INPP5K: variants seen among roughly 807,000 people sequenced by gnomAD.
INPP5K encodes the protein inositol polyphosphate 5-phosphatase K.
In INPP5K, 35 loss-of-function variants were observed where a neutral mutation model predicts 53.5. The observed-to-expected ratio is 0.65, with a 90% CI of 0.50 to 0.87. The LOEUF (loss-of-function observed/expected upper bound fraction) is 0.87, where lower values mean the gene tolerates loss of function less well. Among genes scored for constraint, INPP5K ranks in the 40% least tolerant of loss-of-function variants. The pLI is 0.00. For missense variants in INPP5K, 550 were observed against 586.2 expected, an observed-to-expected ratio of 0.94 and a Z score of 0.64; for synonymous variants, 253 against 232.8, an observed-to-expected ratio of 1.09 and a Z score of -0.79.
intron 7 of INPP5K, 133 bp downstream of exon 7, chr17:1,506,847 T>C: frequency 1.6e-6 from 1 of 619,104 alleles, no homozygotes; most frequent in Non-Finnish European, 2.9e-6. Context: ...GGACAGGAGG[T>C]GCCACTCTGG....
At chr17:1,514,098 G>A (rs1172880411) in intron 1 of INPP5K, 119 bp from the exon 2 acceptor site, 7 of 530,766 alleles carry the variant, frequency 1.3e-5, no homozygotes, top group African/African-American at 5.9e-5. Context: ...CGAGGTGGGC[G>A]GATCACCTGA....
chr17:1,500,270 C>T (rs1028504874), intron 7 of INPP5K, among the ~76,000 whole-genome samples: 3 of 152,252 alleles, frequency 2.0e-5, no homozygotes, highest in African/African-American at 7.2e-5. Flanking sequence ...AGCCTCTGGA[C>T]CTTTGCTTTT....
At chr17:1,497,402 A>G (rs965801986) in intron 8 of INPP5K, among the ~76,000 whole-genome samples, 5 of 152,138 alleles carry the variant, frequency 3.3e-5, no homozygotes, top group African/African-American at 9.7e-5. Context: ...TGAGCCCAGG[A>G]GGTGGAGGCT....
chr17:1,509,775 T>A lies in INPP5K; in HGVS notation c.286A>T (p.Ile96Phe). 6.2e-7 allele frequency: 1 copy of A among 1,613,030 alleles called. No homozygotes were observed. Among genetic ancestry groups the A allele is most frequent in the Non-Finnish European group, 8.5e-7 (1 of 1,179,272 alleles). ...TACTTGGCAAAGACCAGTAAGAGGA[T>A]CCCCTGCATACGGACATGGGAGACC... is the stretch of plus-strand genomic sequence containing the variant. ...IKVSHVRMQG[I>F]LLLVFAKYQH... Residue 96 changes from isoleucine to phenylalanine, a missense_variant, in exon 4 of 12, where the codon ATC (isoleucine) becomes TTC (phenylalanine). Coordinates refer to ENST00000421807, the MANE Select transcript of INPP5K (RefSeq NM_016532.4).
intron 7 of INPP5K, among the ~76,000 whole-genome samples, chr17:1,500,278 T>C (rs2074971414): frequency 6.6e-6 from 1 of 152,186 alleles, no homozygotes; most frequent in South Asian, 2.1e-4. Flanking sequence ...GACCTTTGCT[T>C]TTGCAGTATT....
intron 3 of INPP5K, among the ~76,000 whole-genome samples, chr17:1,510,714 C>A: frequency 6.6e-6 from 1 of 152,196 alleles, no homozygotes. Flanking sequence ...GCAGCCTTGA[C>A]ATCCTGGGCT....
In INPP5K at chr17:1,509,765, A is replaced by T. The variant is rs1383527905; in HGVS notation, c.296T>A (p.Leu99Gln). The change falls in exon 4 of 12, where the codon CTG (leucine) becomes CAG (glutamine). Residue 99 changes from leucine to glutamine, a missense_variant. Transcript: ENST00000421807. The stretch of plus-strand genomic sequence containing the variant: ...CAAATGCTGATACTTGGCAAAGACC[A>T]GTAAGAGGATCCCCTGCATACGGAC... The part of the protein sequence containing the change: ...SHVRMQGILL[L>Q]VFAKYQHLPY... 6.2e-7 allele frequency: 1 copy of T among 1,613,424 alleles called. No individual in the cohort carries two copies. Among genetic ancestry groups the T allele is most frequent in the Non-Finnish European group, 8.5e-7 (1 of 1,179,632 alleles).
rs541295981 is a variant in INPP5K, at chr17:1,506,054, C to T, written c.776+926G>A. Among the ~76,000 whole-genome samples the T allele has an allele frequency of 5.8e-4, 88 of 152,266 alleles. 1 individual carries two copies. Among genetic ancestry groups the T allele is most frequent in the African/African-American group, 2.0e-3 (83 of 41,550 alleles). ...TTATTATTTTTTTGAGACGGAGTCT[C>T]GCTCTGTCACCCAGGCTGGAGTGCA... On this transcript the variant is annotated intron_variant, in intron 7 of 11. Transcript: ENST00000421807.
In INPP5K at chr17:1,497,928, A is replaced by G. The variant is rs2074900902; in HGVS notation, c.963+8T>C. The G allele has an allele frequency of 6.2e-7, 1 of 1,609,808 alleles. No homozygotes were observed. The highest frequency in any genetic ancestry group is 1.3e-5 in the African/African-American group (1 of 74,874). On this transcript the variant is annotated splice_region_variant and intron_variant, in intron 8 of 11. Coordinates refer to ENST00000421807, the MANE Select transcript of INPP5K (RefSeq NM_016532.4). ...CTCTGGCAAGTATCAGGCAGCCCAGAAGTTCACCTCCAAGTCGAACGTGCC... is the reference window on the plus strand; with the variant it reads ...CTCTGGCAAGTATCAGGCAGCCCAGGAGTTCACCTCCAAGTCGAACGTGCC...
At chr17:1,503,727 T>TA (rs1482394173) in intron 7 of INPP5K, among the ~76,000 whole-genome samples, 2 of 151,906 alleles carry the variant, frequency 1.3e-5, no homozygotes, top group African/African-American at 4.8e-5. Context: ...TCGAAAAAAA[T>TA]AAAACACTTT....
chr17:1,513,653 C>T, intron 2 of INPP5K, 92 bp from the exon 3 acceptor site: 1 of 1,211,812 alleles, frequency 8.3e-7, no homozygotes. Context: ...ACTTTCAAGG[C>T]CTGAGTTCTG....
intron 1 of INPP5K, chr17:1,516,211 C>A: frequency 1.0e-6 from 1 of 972,544 alleles, no homozygotes; most frequent in Non-Finnish European, 1.4e-6. Context: ...CACGGCTGTC[C>A]TCTCCAGAAA....
Position 1,509,273 on chromosome 17 carries a change from G to A in INPP5K, c.459C>T (p.His153=). ...CCAGCCGCTGGTAATTGTTGGAAAT[G>A]TGGGGAGGCAGGTGGCAGTTGATGA... ...VSIINCHLPP[H]ISNNYQRLEH... The change falls in exon 5 of 12, where the codon CAC becomes CAT. Residue 153 remains histidine (H), a synonymous_variant. Transcript: ENST00000421807. 1.2e-6 allele frequency: 2 copies of A among 1,614,146 alleles called. No individual in the cohort carries two copies. Among genetic ancestry groups the A allele is most frequent in the Non-Finnish European group, 1.7e-6 (2 of 1,180,012 alleles).
chr17:1,512,427 C>T (rs1487537274), intron 3 of INPP5K, among the ~76,000 whole-genome samples: 1 of 152,080 alleles, frequency 6.6e-6, no homozygotes, highest in African/African-American at 2.4e-5. Flanking sequence ...GAGTTCTAAA[C>T]CTTAGATTCT....
chr17:1,502,717 T>A (rs2075056482), intron 7 of INPP5K, among the ~76,000 whole-genome samples: 1 of 152,108 alleles, frequency 6.6e-6, no homozygotes, highest in African/African-American at 2.4e-5. Flanking sequence ...ATTAACCAAG[T>A]TCTCTCCACT....
chr17:1,506,874 C>A, intron 7 of INPP5K, 106 bp downstream of exon 7: 2 of 772,668 alleles, frequency 2.6e-6, no homozygotes, highest in Non-Finnish European at 4.3e-6. Context: ...GATGACTAGA[C>A]CAATTCCTGC....
At chr17:1,504,953 C>T (rs76974973) in intron 7 of INPP5K, among the ~76,000 whole-genome samples, 3,348 of 152,296 alleles carry the variant, frequency 0.022, 129 homozygotes, top group African/African-American at 0.075. Context: ...GGCTGAGCTA[C>T]CTGGGGAAGC....
At chr17:1,506,658 G>A (rs1462125159) in intron 7 of INPP5K, among the ~76,000 whole-genome samples, 1 of 152,178 alleles carries the variant, frequency 6.6e-6, no homozygotes, top group Non-Finnish European at 1.5e-5. Flanking sequence ...AAGGTCTGGG[G>A]TTTCCCGAAG....
chr17:1,499,515 G>C (rs1397178825), intron 7 of INPP5K, among the ~76,000 whole-genome samples: 1 of 152,176 alleles, frequency 6.6e-6, no homozygotes, highest in Non-Finnish European at 1.5e-5. Context: ...AGTCGACTGA[G>C]AGACCTCCCA....
Sources: allele counts gnomAD v4.1 joint callset (sites outside exome capture counted in the v4.1 genomes callset), GRCh38; gene constraint gnomAD v4.1.1; transcripts MANE v1.5; gene names NCBI Gene and HGNC (gene_info 2026-07-23, HGNC 2026-07-21).